The following MYO1F variants were observed in gnomAD, a reference collection of about 807,000 sequenced individuals.
MYO1F encodes the protein myosin IF.
A neutral mutation model predicts 146.6 loss-of-function variants in MYO1F; 60 were observed. The ratio of observed to expected loss-of-function variants is 0.41; its 90% CI spans 0.33 to 0.51. The LOEUF (loss-of-function observed/expected upper bound fraction) is 0.51. Ranked by LOEUF, MYO1F falls within the 20% of genes least tolerant of loss-of-function variation. The pLI, the probability that MYO1F is intolerant of heterozygous loss-of-function variation, is 0.25. For synonymous variants in MYO1F, 602 were observed against 602.1 expected (o/e 1.00, Z 0.00); for missense variants, 1,274 against 1,534.3 (o/e 0.83, Z 2.83).
At chr19:8,558,152 G>GTTTTTCTTTTTCTTTTCTT (rs1373408230) in intron 1 of MYO1F, among the ~76,000 whole-genome samples, 11 of 151,576 alleles carry the variant, frequency 7.3e-5, no homozygotes, top group Non-Finnish European at 1.5e-4. Flanking sequence ...TCCTCTCTCA[G>GTTTTTCTTTTTCTTTTCTT]TTTTTCTTTT....
intron 6 of MYO1F, among the ~76,000 whole-genome samples, chr19:8,552,439 G>T (rs1000339078): frequency 1.3e-5 from 2 of 151,794 alleles, no homozygotes; most frequent in Non-Finnish European, 2.9e-5. Flanking sequence ...TTGTATTTTT[G>T]GCAGAGCTAA....
chr19:8,556,697 G>A, intron 1 of MYO1F, among the ~76,000 whole-genome samples: 1 of 151,718 alleles, frequency 6.6e-6, no homozygotes, highest in South Asian at 2.1e-4. Context: ...AGACCAGTCT[G>A]ATCAATATGG....
rs574298825 is a variant in MYO1F, at chr19:8,529,782, G to A, written c.2328+414C>T. On this transcript the variant is annotated intron_variant, in intron 21 of 27. Coordinates refer to ENST00000644032, the MANE Select transcript of MYO1F (RefSeq NM_012335.4). ...ACAAGTGCATGTTTGATGGACAGCT[G>A]TGTCTGCTATACTTGAGTGTATACC... 35 of 347,824 alleles carry A rather than the reference G, an allele frequency of 1.0e-4. No individual in the cohort carries two copies. In the East Asian group the frequency reaches 1.5e-3, roughly 15 times the overall value. The allele number at this position is 347,824 out of a possible 1,614,324, so 21.5% of individuals were successfully genotyped here.
At position 8,522,488 on chromosome 19, in the gene MYO1F, G is replaced by T; in HGVS notation, c.3109C>A (p.Pro1037Thr). The change falls in exon 27 of 28, where the codon CCC becomes ACC. Residue 1037 changes from proline (P) to threonine (T), a missense_variant. Pro to Thr is a conservative substitution (Grantham distance 38). Around this residue, in one of 2 missense-constraint regions of MYO1F, gnomAD observed 374 missense variants for 379.2 expected, o/e 0.99. Coordinates refer to ENST00000644032, the MANE Select transcript of MYO1F (RefSeq NM_012335.4). ...CTGGGACCATGTGTCCGAGGCTGGG[G>T]CTTGGGTCGGCCCACACCAGGCACT... is the stretch of plus-strand genomic sequence containing the variant. ...RPVPGVGRPK[P>T]QPRTHGPRCR... 6.2e-7 allele frequency: 1 copy of T among 1,613,806 alleles called. No homozygotes were observed. The highest frequency in any genetic ancestry group is 1.7e-4 in the Middle Eastern group (1 of 6,060).
intron 25 of MYO1F, among the ~76,000 whole-genome samples, chr19:8,523,035 CTT>C (rs34428318): frequency 8.3e-4 from 119 of 142,872 alleles, no homozygotes; most frequent in Admixed American, 1.5e-3. Context: ...TTATTTTTTA[CTT>C]TTTTTTTTTT....
chr19:8,541,834 A>G (rs2145873587), intron 15 of MYO1F, 72 bp downstream of exon 15: 2 of 1,390,858 alleles, frequency 1.4e-6, no homozygotes, highest in Middle Eastern at 1.8e-4. Flanking sequence ...GGTAAGATGG[A>G]GTGGGGCCCG....
chr19:8,567,333 G>A (rs2042023603), intron 1 of MYO1F, among the ~76,000 whole-genome samples: 1 of 151,828 alleles, frequency 6.6e-6, no homozygotes, highest in Admixed American at 6.6e-5. Context: ...CCAAAGTGCT[G>A]AAATTACAGG....
Position 8,562,088 on chromosome 19 carries a change from G to A in MYO1F, c.4-6292C>T, listed in dbSNP as rs867627745. 2.0e-4 allele frequency among the ~76,000 whole-genome samples: 31 copies of A among 151,644 alleles called. 1 individual carries two copies. In the South Asian group the frequency reaches 3.8e-3, roughly 18 times the overall value. On this transcript the variant is annotated intron_variant, in intron 1 of 27. Transcript: ENST00000644032. The stretch of plus-strand genomic sequence containing the variant: ...CTTGCTCTGTCGCCCAGGCTGAAGG[G>A]CAGTGGCACAATCTCGGCTCACTGC...
intron 25 of MYO1F, 103 bp downstream of exon 25, chr19:8,525,376 G>A: frequency 1.0e-6 from 1 of 962,560 alleles, no homozygotes; most frequent in Non-Finnish European, 1.6e-6. Context: ...ACAGAGAAGT[G>A]AGTGGTAAAC....
rs556648595 is a variant in MYO1F at position 8,555,367 on chromosome 19, A to T, written c.141+292T>A. 38 of 331,490 alleles carry T rather than the reference A, an allele frequency of 1.1e-4. 1 individual carries two copies. Among genetic ancestry groups the T allele is most frequent in the African/African-American group, 8.2e-4 (32 of 38,810 alleles). The allele number at this position is 331,490 out of a possible 1,614,324, so 20.5% of individuals were successfully genotyped here. A position where few individuals can be genotyped will look rare whatever the true frequency, so the allele number is the denominator to read the frequency against. On this transcript the variant is annotated intron_variant, in intron 2 of 27. Coordinates refer to ENST00000644032, the MANE Select transcript of MYO1F (RefSeq NM_012335.4). Reference sequence around the variant, plus strand: ...CCTGGAACCTGGGCGACAGAGCAAGACTCCGTCTCAAAAAAAAAAAAAAAA... The same window carrying T: ...CCTGGAACCTGGGCGACAGAGCAAGTCTCCGTCTCAAAAAAAAAAAAAAAA...
Position 8,521,660 on chromosome 19 carries a change from A to G in MYO1F, c.3221-56T>C. On this transcript the variant is annotated intron_variant, in intron 27 of 27. Coordinates refer to ENST00000644032, the MANE Select transcript of MYO1F (RefSeq NM_012335.4). ...CTAGCTGGCCCTGGAGAAAGCTCTC[A>G]TGCCTGGTCTGTCCATCTTGTTCAT... 6 of 1,524,564 alleles carry G rather than the reference A, an allele frequency of 3.9e-6. No homozygotes were observed. The South Asian group carries it at 5.6e-5, about 14-fold the overall frequency. The allele number at this position is 1,524,564 out of a possible 1,614,324, so 94.4% of individuals were successfully genotyped here.
At chr19:8,528,338 C>T (rs529296158) in intron 21 of MYO1F, among the ~76,000 whole-genome samples, 3 of 152,072 alleles carry the variant, frequency 2.0e-5, no homozygotes, top group African/African-American at 7.2e-5. Context: ...ACCATCCTGG[C>T]TAATACCATG....
chr19:8,521,581 G>C lies in MYO1F; in HGVS notation c.3244C>G (p.Arg1082Gly). Residue 1082 changes from arginine to glycine, a missense_variant, in exon 28 of 28, where the codon CGG (arginine) becomes GGG (glycine). By Grantham distance (125) the Arg-to-Gly change is moderately radical. Coordinates refer to ENST00000644032, the MANE Select transcript of MYO1F (RefSeq NM_012335.4). ...AAAAGGCCCTCCTGGCCGTGAAGCC[G>C]GCCCTTCCACCAGCCCGAGGGATCT... is the stretch of plus-strand genomic sequence containing the variant. ...MEDPSGWWKGRLHGQEGLFPG... is the reference protein window; with the variant it reads ...MEDPSGWWKGGLHGQEGLFPG... 1 of 1,614,146 alleles carries C rather than the reference G, an allele frequency of 6.2e-7. No homozygotes were observed. The highest frequency in any genetic ancestry group is 8.5e-7 in the Non-Finnish European group (1 of 1,179,996).
intron 2 of MYO1F, among the ~76,000 whole-genome samples, chr19:8,555,197 A>G (rs1973792133): frequency 6.7e-6 from 1 of 149,302 alleles, no homozygotes; most frequent in Non-Finnish European, 1.5e-5. Context: ...AAAACACAAA[A>G]CACAAAAAGC....
rs1194971717 is a variant in MYO1F, at chr19:8,525,534, T to G, written c.2799A>C (p.Gly933=). Residue 933 remains glycine, a synonymous_variant, in exon 25 of 28, where the codon GGA becomes GGC. Transcript: ENST00000644032. ...GGGCTTGGGACGACCTCCGAGGTTTTCCCTTGGCCATTCCCTTCCGCGTAG... is the reference window on the plus strand; with the variant it reads ...GGGCTTGGGACGACCTCCGAGGTTTGCCCTTGGCCATTCCCTTCCGCGTAG... The part of the protein sequence containing the change: ...SKPTRKGMAK[G]KPRRSSQAPT... The G allele has an allele frequency of 6.2e-7, 1 of 1,613,490 alleles. No homozygotes were observed. The highest frequency in any genetic ancestry group is 8.5e-7 in the Non-Finnish European group (1 of 1,179,962).
intron 1 of MYO1F, among the ~76,000 whole-genome samples, chr19:8,565,133 G>A (rs1314599712): frequency 6.6e-6 from 1 of 152,044 alleles, no homozygotes; most frequent in African/African-American, 2.4e-5. Context: ...TCAAGTTCAA[G>A]TGATCCACCC....
chr19:8,544,437 C>T lies in MYO1F; in HGVS notation c.1384G>A (p.Asp462Asn). Residue 462 changes from aspartate (D) to asparagine (N), a missense_variant, in exon 14 of 28, where the codon GAC (aspartate) becomes AAC (asparagine). Physicochemically the swap from Asp to Asn is conservative, Grantham distance 23. Coordinates refer to ENST00000644032, the MANE Select transcript of MYO1F (RefSeq NM_012335.4). ...LSPPGIMSVLDDVCATMHATG... is the reference protein window; with the variant it reads ...LSPPGIMSVLNDVCATMHATG... ...GCGTGCATGGTGGCGCACACGTCGT[C>T]CAAGACGCTCATGATGCCTGGGGGG... 1 of 1,611,720 alleles carries T rather than the reference C, an allele frequency of 6.2e-7. No individual in the cohort carries two copies. The highest frequency in any genetic ancestry group is 2.2e-5 in the East Asian group (1 of 44,850).
intron 1 of MYO1F, among the ~76,000 whole-genome samples, chr19:8,565,406 G>A (rs1217922124): frequency 6.6e-6 from 1 of 151,916 alleles, no homozygotes; most frequent in African/African-American, 2.4e-5. Context: ...GCCAGGTGTG[G>A]TGGCGAGCGC....
At position 8,530,524 on chromosome 19, in the gene MYO1F, C is replaced by T. The variant is rs746204991; in HGVS notation, c.2093G>A (p.Arg698Gln). The change falls in exon 20 of 28, where the codon CGA (arginine) becomes CAA (glutamine). Residue 698 changes from arginine to glutamine, a missense_variant. This residue lies in a region of MYO1F where 900 missense variants were observed against 1,155.1 expected (regional missense o/e 0.78). Coordinates refer to ENST00000644032, the MANE Select transcript of MYO1F (RefSeq NM_012335.4). This position sits in a 1 kb window ranked among gnomAD's most constrained non-coding sequence, Gnocchi z 5.8. ...GCGCCGCCAGGCCTTCTGGATGGTT[C>T]GGGCAAAGCCATCGAACTTTCGCTC... The part of the protein sequence containing the change: ...VRERKFDGFA[R>Q]TIQKAWRRHV... 2.5e-6 allele frequency: 4 copies of T among 1,613,434 alleles called. No homozygotes were observed. The highest frequency in any genetic ancestry group is 1.1e-5 in the South Asian group (1 of 91,082).
Sources: gnomAD v4.1 joint callset for allele counts (sites outside exome capture counted in the v4.1 genomes callset) on GRCh38, gnomAD v4.1.1 for gene constraint, gnomAD v4.1.1 regional missense constraint, Gnocchi (gnomAD v3.1) non-coding constraint, MANE v1.5 for transcripts, NCBI Gene and HGNC (gene_info 2026-07-23, HGNC 2026-07-21) for gene names.